Variants in IL1RL1 observed in about 807,000 individuals in gnomAD.
The protein encoded by IL1RL1 is interleukin 1 receptor like 1.
A neutral mutation model predicts 50.9 loss-of-function variants in IL1RL1; 32 were observed. That is an observed-to-expected ratio of 0.63 (90% CI 0.47 to 0.84). The LOEUF is 0.84. Among genes scored for constraint, IL1RL1 ranks in the 40% least tolerant of loss-of-function variants. The pLI is 0.00. For missense variants in IL1RL1, 773 were observed against 662.9 expected, an observed-to-expected ratio of 1.17 and a Z score of -1.82; for synonymous variants, 275 against 236.0, an observed-to-expected ratio of 1.17 and a Z score of -1.51.
At position 102,348,036 on chromosome 2, in the gene IL1RL1, G is replaced by C. The variant is rs1677830907; in HGVS notation, c.1062G>C (p.Trp354Cys). Residue 354 changes from tryptophan to cysteine, a missense_variant, in exon 9 of 11, where the codon TGG becomes TGC. Coordinates refer to ENST00000233954, the MANE Select transcript of IL1RL1 (RefSeq NM_016232.5). ...NVLVIILKMFWIEATLLWRDI... is the reference protein window; with the variant it reads ...NVLVIILKMFCIEATLLWRDI... ...TGGTTATCATCCTAAAAATGTTCTG[G>C]ATTGAGGCCACTCTGCTCTGGAGAG... is the stretch of plus-strand genomic sequence containing the variant. 1 of 1,611,696 alleles carries C rather than the reference G, an allele frequency of 6.2e-7. No homozygotes were observed. The highest frequency in any genetic ancestry group is 1.1e-5 in the South Asian group (1 of 91,026).
At position 102,328,447 on chromosome 2, in the gene IL1RL1, A is replaced by G. The variant is rs554229218; in HGVS notation, c.-149-9669A>G. 3.9e-5 allele frequency among the ~76,000 whole-genome samples: 6 copies of G among 152,324 alleles called. No homozygotes were observed. In the South Asian group the frequency reaches 8.3e-4, roughly 21 times the overall value. ...AGCATTCCCTTTGAAAACTGGCATGAGACAGGGATGCCCTCTCTCACCACT... is the reference window on the plus strand; with the variant it reads ...AGCATTCCCTTTGAAAACTGGCATGGGACAGGGATGCCCTCTCTCACCACT... On this transcript the variant is annotated intron_variant, in intron 1 of 10. Transcript: ENST00000233954.
chr2:102,351,240 A>G (rs1677920520), intron 10 of IL1RL1, among the ~76,000 whole-genome samples: 1 of 152,212 alleles, frequency 6.6e-6, no homozygotes, highest in Admixed American at 6.5e-5. Flanking sequence ...TCTCTAATGC[A>G]ACAATAGACT....
At chr2:102,313,162 T>G (rs1210094565) in intron 1 of IL1RL1, 1 of 152,186 alleles carries the variant, frequency 6.6e-6, no homozygotes, top group Non-Finnish European at 1.5e-5. Context: ...TTGAGTTTCT[T>G]GCTTACAAAG....
At chr2:102,329,567 A>T (rs1164551934) in intron 1 of IL1RL1, among the ~76,000 whole-genome samples, 1 of 152,238 alleles carries the variant, frequency 6.6e-6, no homozygotes, top group Non-Finnish European at 1.5e-5. Context: ...ACAGAATGGG[A>T]GAAAATTTTT....
rs73004222 is a variant in IL1RL1 at position 102,344,332 on chromosome 2, C to T, written c.970+917C>T. 192 of 877,258 alleles carry T rather than the reference C, an allele frequency of 2.2e-4. No homozygotes were observed. The African/African-American group carries it at 3.0e-3, about 14-fold the overall frequency. 54.3% of individuals were successfully genotyped at this position (877,258 alleles called of 1,614,324 possible). ...CATGAGATTTGGGCAGGAACACAGA[C>T]CCAAACCATACCACACACATTATCA... On this transcript the variant is annotated intron_variant, in intron 8 of 10. Coordinates refer to ENST00000233954, the MANE Select transcript of IL1RL1 (RefSeq NM_016232.5).
At position 102,312,001 on chromosome 2, in the gene IL1RL1, ATTTATATATAT is replaced by A. The variant is rs1676519397; in HGVS notation, c.-150+380_-150+390del. On this transcript the variant is annotated intron_variant, in intron 1 of 10. Coordinates refer to ENST00000233954, the MANE Select transcript of IL1RL1 (RefSeq NM_016232.5). ...ATATAATATATATTATATATAATAT[ATTTATATATAT>A]TATATATAATATATATTATATATTA... Among the ~76,000 whole-genome samples the A allele has an allele frequency of 2.5e-4, 6 of 23,950 alleles. 1 individual carries two copies. The South Asian group carries it at 2.8e-3, about 11-fold the overall frequency. 15.7% of individuals were successfully genotyped at this position (23,950 alleles called of 152,430 possible).
intron 6 of IL1RL1, 142 bp from the exon 7 acceptor site, chr2:102,342,894 A>T: frequency 1.3e-6 from 1 of 745,890 alleles, no homozygotes. Flanking sequence ...ACATAGAAAG[A>T]GGAAGGTGCT....
chr2:102,317,287 GAGCTTGC>G (rs1172333533), intron 1 of IL1RL1, among the ~76,000 whole-genome samples: 1 of 152,100 alleles, frequency 6.6e-6, no homozygotes, highest in East Asian at 1.9e-4. Context: ...CCAGGAGGTG[GAGCTTGC>G]AGTAAGCCCA....
intron 1 of IL1RL1, chr2:102,313,295 A>AT (rs1676576000): frequency 6.6e-6 from 1 of 152,182 alleles, no homozygotes; most frequent in East Asian, 1.9e-4. Context: ...AGACCTCATC[A>AT]TTGTCCTTAT....
chr2:102,328,007 A>C (rs1435288916), intron 1 of IL1RL1, among the ~76,000 whole-genome samples: 1 of 152,238 alleles, frequency 6.6e-6, no homozygotes, highest in African/African-American at 2.4e-5. Flanking sequence ...GCATTTTATG[A>C]GGCCAGCATC....
In IL1RL1 at chr2:102,347,949, T is replaced by C; in HGVS notation, c.975T>C (p.Asp325=). The C allele has an allele frequency of 6.7e-7, 1 of 1,493,208 alleles. No individual in the cohort carries two copies. Among genetic ancestry groups the C allele is most frequent in the Non-Finnish European group, 9.3e-7 (1 of 1,071,924 alleles). 92.5% of individuals were successfully genotyped at this position (1,493,208 alleles called of 1,614,324 possible). The change falls in exon 9 of 11, where the codon GAT becomes GAC. Residue 325 remains aspartate (D), a synonymous_variant. Transcript: ENST00000233954. Reference sequence around the variant, plus strand: ...CTTTTTCTTTCTTTTGAATAGTTGATCATCATAGCATCTACTGCATAATTG... The same window carrying C: ...CTTTTTCTTTCTTTTGAATAGTTGACCATCATAGCATCTACTGCATAATTG... ...TVRLSRKNPI[D]HHSIYCIIAV... is the part of the protein sequence containing the mutation.
chr2:102,327,532 CA>C (rs1182947210), intron 1 of IL1RL1, among the ~76,000 whole-genome samples: 3 of 151,940 alleles, frequency 2.0e-5, no homozygotes, highest in Non-Finnish European at 4.4e-5. Context: ...AATAGAGACA[CA>C]AAAAACCCTT....
At chr2:102,328,941 C>T (rs909238365) in intron 1 of IL1RL1, among the ~76,000 whole-genome samples, 15 of 152,122 alleles carry the variant, frequency 9.9e-5, no homozygotes, top group African/African-American at 3.6e-4. Flanking sequence ...TCAATGCCAT[C>T]CCCATCAAGC....
intron 8 of IL1RL1, chr2:102,346,241 A>G (rs1348078515): frequency 1.2e-5 from 2 of 166,892 alleles, no homozygotes. Flanking sequence ...ATAATAATAC[A>G]CATTTATTCA....
intron 1 of IL1RL1, among the ~76,000 whole-genome samples, chr2:102,331,253 T>A (rs916568257): frequency 1.3e-5 from 2 of 152,246 alleles, no homozygotes; most frequent in Non-Finnish European, 2.9e-5. Context: ...ACTTTAGATT[T>A]CCATAGAAGC....
At chr2:102,324,487 C>T (rs554415249) in intron 1 of IL1RL1, among the ~76,000 whole-genome samples, 28 of 152,234 alleles carry the variant, frequency 1.8e-4, no homozygotes, top group East Asian at 9.6e-4. Flanking sequence ...CTCACTGGGG[C>T]GTGTCGGATA....
At chr2:102,350,079 T>C (rs1412629930) in intron 10 of IL1RL1, among the ~76,000 whole-genome samples, 1 of 150,222 alleles carries the variant, frequency 6.7e-6, no homozygotes. Context: ...ATAGCCTCAA[T>C]AACGGCTCAA....
intron 1 of IL1RL1, among the ~76,000 whole-genome samples, chr2:102,318,911 GA>G (rs1676756736): frequency 6.6e-6 from 1 of 152,100 alleles, no homozygotes; most frequent in African/African-American, 2.4e-5. Context: ...TAACAAAATT[GA>G]AATTTAAAGA....
At chr2:102,314,966 C>T (rs1221340977) in intron 1 of IL1RL1, among the ~76,000 whole-genome samples, 1 of 152,154 alleles carries the variant, frequency 6.6e-6, no homozygotes, top group Non-Finnish European at 1.5e-5. Context: ...CTCAGAAGAG[C>T]TGTGTGTCCT....
Sources: gnomAD v4.1 joint callset for allele counts (sites outside exome capture counted in the v4.1 genomes callset) on GRCh38, gnomAD v4.1.1 for gene constraint, MANE v1.5 for transcripts, NCBI Gene and HGNC (gene_info 2026-07-23, HGNC 2026-07-21) for gene names.